DAPK1: variants seen among roughly 807,000 people sequenced by gnomAD.
DAPK1 encodes the protein death associated protein kinase 1.
A neutral mutation model predicts 144.9 loss-of-function variants in DAPK1; 56 were observed. The observed-to-expected ratio is 0.39, with a 90% CI of 0.31 to 0.48. The LOEUF (loss-of-function observed/expected upper bound fraction) is 0.48. DAPK1 is among the 20% of genes least tolerant of loss of function. The pLI, the probability that DAPK1 is intolerant of heterozygous loss-of-function variation, is 0.95. For missense variants in DAPK1, 1,454 were observed against 1,875.4 expected (o/e 0.78, Z 4.15); for synonymous variants, 690 against 749.0 (o/e 0.92, Z 1.29).
intron 2 of DAPK1, among the ~76,000 whole-genome samples, chr9:87,504,124 G>A (rs1006973627): frequency 2.6e-5 from 4 of 152,088 alleles, no homozygotes; most frequent in Admixed American, 1.3e-4. Flanking sequence ...GCAGGCCACC[G>A]GTGGGTTTCT....
At chr9:87,532,489 ATCATTAGG>A (rs1825731751) in intron 2 of DAPK1, among the ~76,000 whole-genome samples, 1 of 152,196 alleles carries the variant, frequency 6.6e-6, no homozygotes, top group African/African-American at 2.4e-5. Flanking sequence ...CCTGGTTTAT[ATCATTAGG>A]GTAGGCATGT....
At chr9:87,705,240 A>AT (rs200565337) in intron 25 of DAPK1, among the ~76,000 whole-genome samples, 23,390 of 128,616 alleles carry the variant, frequency 0.18, 2,610 homozygotes, top group East Asian at 0.4. Context: ...TAATTAATTA[A>AT]TTTTTTTTTT....
At chr9:87,597,222 C>T (rs1461979063) in intron 2 of DAPK1, among the ~76,000 whole-genome samples, 3 of 152,160 alleles carry the variant, frequency 2.0e-5, no homozygotes, top group African/African-American at 7.2e-5. Flanking sequence ...GGGTCACACT[C>T]AAGAGAGCAT....
chr9:87,655,734 G>C (rs1378473978), intron 17 of DAPK1, among the ~76,000 whole-genome samples: 2 of 152,178 alleles, frequency 1.3e-5, no homozygotes, highest in African/African-American at 4.8e-5. Context: ...AACTTGCCGT[G>C]TTAGAAAGCA....
In DAPK1 at chr9:87,662,560, G is replaced by GTTTTTTTTTTTTTTTTTTTTTTTTT. The variant is rs71507734; in HGVS notation, c.1923+4434_1923+4458dup. On this transcript the variant is annotated intron_variant, in intron 18 of 25. Coordinates refer to ENST00000408954, the MANE Select transcript of DAPK1 (RefSeq NM_004938.4). ...ACCTCCTTGGTTAAATATATTCCTAGTTTTTTTTTTTTTTTTTTTTTTTTT... is the reference window on the plus strand; with the variant it reads ...ACCTCCTTGGTTAAATATATTCCTAGTTTTTTTTTTTTTTTTTTTTTTTTTTTTTTTTTTTTTTTTTTTTTTTTTT... 5.0e-4 allele frequency among the ~76,000 whole-genome samples: 16 copies of GTTTTTTTTTTTTTTTTTTTTTTTTT among 32,130 alleles called. 2 individuals are homozygous for GTTTTTTTTTTTTTTTTTTTTTTTTT. The highest frequency in any genetic ancestry group is 2.8e-3 in the East Asian group (3 of 1,084). 21.1% of individuals were successfully genotyped at this position (32,130 alleles called of 152,430 possible).
intron 21 of DAPK1, among the ~76,000 whole-genome samples, chr9:87,694,386 G>T (rs926958854): frequency 3.3e-5 from 5 of 152,168 alleles, no homozygotes; most frequent in African/African-American, 9.7e-5. Context: ...GCATATTCAG[G>T]CTCTTAGGGG....
chr9:87,584,461 A>G (rs1266285284), intron 2 of DAPK1, among the ~76,000 whole-genome samples: 4 of 152,140 alleles, frequency 2.6e-5, no homozygotes, highest in South Asian at 2.1e-4. Flanking sequence ...TGCTTTGGAT[A>G]TATACTTACT....
intron 2 of DAPK1, among the ~76,000 whole-genome samples, chr9:87,542,593 A>G (rs1303626746): frequency 1.3e-5 from 2 of 152,310 alleles, no homozygotes; most frequent in African/African-American, 2.4e-5. Flanking sequence ...CCAAGTACCT[A>G]TGGTACTGGT....
chr9:87,669,579 A>C (rs1831184927), intron 19 of DAPK1, among the ~76,000 whole-genome samples: 1 of 152,220 alleles, frequency 6.6e-6, no homozygotes. Flanking sequence ...CTATCTAGAA[A>C]TAAAATGATA....
chr9:87,686,672 C>T lies in DAPK1; in HGVS notation c.2346C>T (p.His782=). 1 of 1,613,042 alleles carries T rather than the reference C, an allele frequency of 6.2e-7. No individual in the cohort carries two copies. Among genetic ancestry groups the T allele is most frequent in the African/African-American group, 1.3e-5 (1 of 75,000 alleles). ...TGGAGGTGTTTGTGGCCCCGACCCA[C>T]CACCCGCACTGCTCGGCCGATGACC... The part of the protein sequence containing the change: ...GMLEVFVAPT[H]HPHCSADDQS... Residue 782 remains histidine, a synonymous_variant, in exon 21 of 26, where the codon CAC becomes CAT. Coordinates refer to ENST00000408954, the MANE Select transcript of DAPK1 (RefSeq NM_004938.4). This position sits in a 1 kb window ranked among gnomAD's most constrained non-coding sequence, Gnocchi z 4.2.
chr9:87,701,839 A>C (rs1286434501), intron 24 of DAPK1: 1 of 468,734 alleles, frequency 2.1e-6, no homozygotes, highest in East Asian at 7.0e-5. Flanking sequence ...TCTCCAGAAA[A>C]CCCTGCCCTT....
At chr9:87,695,886 A>G (rs1334721146) in intron 21 of DAPK1, among the ~76,000 whole-genome samples, 3 of 152,142 alleles carry the variant, frequency 2.0e-5, no homozygotes, top group Non-Finnish European at 1.5e-5. Flanking sequence ...CCTTCTCTCA[A>G]TTAATCCTCT....
At position 87,706,165 on chromosome 9, in the gene DAPK1, G is replaced by A. The variant is rs1825626136; in HGVS notation, c.3094G>A (p.Val1032Met). Residue 1032 changes from valine (V) to methionine (M), a missense_variant, in exon 26 of 26, where the codon GTG (valine) becomes ATG (methionine). By Grantham distance (21) the Val-to-Met change is conservative (BLOSUM62 1). Around this residue, in one of 2 missense-constraint regions of DAPK1, gnomAD observed 1,025 missense variants for 1,237.9 expected, o/e 0.83. Transcript: ENST00000408954. The surrounding 1 kb of genome is among the most constrained non-coding windows in gnomAD (Gnocchi z 9.0). Reference sequence around the variant, plus strand: ...CATGCAAAGTGAAACAGTTCAGGACGTGCTGCTCCTGGACCCCCGCTGGCT... The same window carrying A: ...CATGCAAAGTGAAACAGTTCAGGACATGCTGCTCCTGGACCCCCGCTGGCT... The part of the protein sequence containing the change: ...NIMQSETVQD[V>M]LLLDPRWLCT... The A allele has an allele frequency of 1.9e-6, 3 of 1,607,880 alleles. No homozygotes were observed. Among genetic ancestry groups the A allele is most frequent in the African/African-American group, 1.3e-5 (1 of 74,944 alleles).
intron 2 of DAPK1, among the ~76,000 whole-genome samples, chr9:87,540,434 T>C (rs1826007412): frequency 6.6e-6 from 1 of 152,138 alleles, no homozygotes; most frequent in Non-Finnish European, 1.5e-5. Flanking sequence ...CAGGTAATCC[T>C]CTCGCCTCAG....
chr9:87,540,547 A>G (rs13290498), intron 2 of DAPK1, among the ~76,000 whole-genome samples: 37,386 of 152,096 alleles, frequency 0.25, 5,612 homozygotes, highest in Non-Finnish European at 0.35. Flanking sequence ...ACAGGTCTGT[A>G]TATATAGGAA....
intron 2 of DAPK1, among the ~76,000 whole-genome samples, chr9:87,537,133 C>T (rs1825886664): frequency 6.6e-6 from 1 of 151,984 alleles, no homozygotes; most frequent in Non-Finnish European, 1.5e-5. Context: ...ATTACAGGCG[C>T]CTGCCACCAC....
At chr9:87,584,834 G>A (rs748211952) in intron 2 of DAPK1, among the ~76,000 whole-genome samples, 5 of 152,064 alleles carry the variant, frequency 3.3e-5, no homozygotes, top group Admixed American at 1.3e-4. Context: ...CCGCCACCAC[G>A]CCTGGCTAAT....
At chr9:87,533,854 G>C (rs999340801) in intron 2 of DAPK1, among the ~76,000 whole-genome samples, 1 of 152,126 alleles carries the variant, frequency 6.6e-6, no homozygotes, top group African/African-American at 2.4e-5. Context: ...GTTGAGACGG[G>C]GTTTCGCCAT....
At chr9:87,645,280 A>G (rs1830230348) in intron 11 of DAPK1, among the ~76,000 whole-genome samples, 1 of 152,132 alleles carries the variant, frequency 6.6e-6, no homozygotes, top group Admixed American at 6.5e-5. Flanking sequence ...GAAATGCATC[A>G]GTTTTCTGAT....
Sources: gnomAD v4.1 joint callset for allele counts (sites outside exome capture counted in the v4.1 genomes callset) on GRCh38, gnomAD v4.1.1 for gene constraint, gnomAD v4.1.1 regional missense constraint, Gnocchi (gnomAD v3.1) non-coding constraint, MANE v1.5 for transcripts, NCBI Gene and HGNC (gene_info 2026-07-23, HGNC 2026-07-21) for gene names.